UNC5CL: variants seen among roughly 807,000 people sequenced by gnomAD.
UNC5CL encodes unc-5 family C-terminal like, also known as UNC5C-like protein.
In UNC5CL, 42 loss-of-function variants were observed where a neutral mutation model predicts 54.1. The observed-to-expected ratio is 0.78, with a 90% CI of 0.61 to 1.00. The LOEUF is 1.00. Among genes scored for constraint, UNC5CL ranks in the 50% least tolerant of loss-of-function variants. The pLI is 0.00. For missense variants in UNC5CL, 619 were observed against 675.6 expected, an observed-to-expected ratio of 0.92 and a Z score of 0.93; for synonymous variants, 285 against 285.1, an observed-to-expected ratio of 1.00 and a Z score of 0.00.
chr6:41,031,144 G>A (rs928957452), intron 6 of UNC5CL, among the ~76,000 whole-genome samples: 1 of 152,054 alleles, frequency 6.6e-6, no homozygotes, highest in African/African-American at 2.4e-5. Flanking sequence ...GTGACAACAG[G>A]GTATCTGCCT....
rs746966347 is a variant in UNC5CL at position 41,034,090 on chromosome 6, C to T, written c.477G>A (p.Leu159=). The change falls in exon 3 of 9, where the codon CTG becomes CTA. Residue 159 remains leucine (L), a synonymous_variant. Coordinates refer to ENST00000244565, the MANE Select transcript of UNC5CL (RefSeq NM_173561.3). ...GGCCACATGCCACCACAGGGCTTAC[C>T]AGCCCCTGGGCTTGGGACAGCGATG... The part of the protein sequence containing the change: ...DAPSLSQAQG[L]VSPVVACGPH... 3 of 1,614,164 alleles carry T rather than the reference C, an allele frequency of 1.9e-6. No homozygotes were observed. The South Asian group carries it at 3.3e-5, about 18-fold the overall frequency.
chr6:41,034,716 G>A lies in UNC5CL; in HGVS notation c.359C>T (p.Thr120Ile). The A allele has an allele frequency of 6.2e-7, 1 of 1,605,122 alleles. No homozygotes were observed. Among genetic ancestry groups the A allele is most frequent in the Non-Finnish European group, 8.5e-7 (1 of 1,179,944 alleles). Residue 120 changes from threonine (T) to isoleucine (I), a missense_variant, in exon 2 of 9, where the codon ACA (threonine) becomes ATA (isoleucine). By Grantham distance (89) the Thr-to-Ile change is moderately conservative. Transcript: ENST00000244565. ...HRGGCLMLQD[T>I]GISLLIPPGA... Reference sequence around the variant, plus strand: ...TGGTGGGATGAGCAAGGAGATGCCTGTATCCTGGAGCATCAGGCAACCGCC... The same window carrying A: ...TGGTGGGATGAGCAAGGAGATGCCTATATCCTGGAGCATCAGGCAACCGCC...
chr6:41,036,007 A>T lies in UNC5CL; in HGVS notation c.-61-872T>A, dbSNP rs187519277. Among the ~76,000 whole-genome samples the T allele has an allele frequency of 1.3e-3, 204 of 152,370 alleles. 2 individuals are homozygous for T. Among genetic ancestry groups the T allele is most frequent in the Admixed American group, 1.8e-3 (27 of 15,306 alleles). ...GAGATAAAATATTCTGAGCTCATTA[A>T]TGTGAAAAACAAAACTGCATATAAA... On this transcript the variant is annotated intron_variant, in intron 1 of 8. Transcript: ENST00000244565.
At chr6:41,030,337 C>CAT in intron 8 of UNC5CL, 51 bp downstream of exon 8, 1 of 1,577,040 alleles carries the variant, frequency 6.3e-7, no homozygotes, top group Non-Finnish European at 8.7e-7. Flanking sequence ...TGAGGAACCC[C>CAT]ATTCCAGCCC....
At chr6:41,030,585 G>A (rs146298635) in intron 7 of UNC5CL, 70 bp downstream of exon 7, 19,300 of 1,609,434 alleles carry the variant, frequency 0.012, 133 homozygotes, top group Non-Finnish European at 0.015. Context: ...AAATGCTGTA[G>A]TCACCCTGTG....
At position 41,028,545 on chromosome 6, in the gene UNC5CL, TCAAA is replaced by T; in HGVS notation, c.1381_1384del (p.Phe461ArgfsTer14). On this transcript the variant is annotated frameshift_variant, in exon 9 of 9. Transcript: ENST00000244565. LOFTEE classifies it high-confidence loss of function. The surrounding 1 kb of genome is among the most constrained non-coding windows in gnomAD (Gnocchi z 4.3). Reference sequence around the variant, plus strand: ...CTCCTGCAGGCTGCCGTTCTGCTCCTCAAACAACTCCAGGATGGCCGCTGCGGGG... The same window carrying T: ...CTCCTGCAGGCTGCCGTTCTGCTCCTCAACTCCAGGATGGCCGCTGCGGGG... 5 of 1,613,862 alleles carry T rather than the reference TCAAA, an allele frequency of 3.1e-6. No homozygotes were observed. The highest frequency in any genetic ancestry group is 2.5e-6 in the Non-Finnish European group (3 of 1,180,004).
intron 2 of UNC5CL, 97 bp from the exon 3 acceptor site, chr6:41,034,278 G>C: frequency 7.2e-7 from 1 of 1,389,840 alleles, no homozygotes; most frequent in Non-Finnish European, 9.6e-7. Flanking sequence ...TGGGGCAGGA[G>C]CCCAGGAGAG....
chr6:41,034,976 C>T lies in UNC5CL; in HGVS notation c.99G>A (p.Trp33Ter), dbSNP rs766084306. Residue 33 changes from tryptophan to a stop codon, truncating the protein, a stop_gained, in exon 2 of 9, where the codon TGG becomes TGA. Transcript: ENST00000244565. LOFTEE classifies it high-confidence loss of function. The stretch of plus-strand genomic sequence containing the variant: ...CCCCCAGCAGCCTTCTAGGGCAGTG[C>T]CATCGAAGGCATTGGGCCAGAAGGA... ...SVLLLAQCLR[W>*]HCPRRLLGAC... is the part of the protein sequence containing the mutation. 1 of 1,610,462 alleles carries T rather than the reference C, an allele frequency of 6.2e-7. No individual in the cohort carries two copies. The highest frequency in any genetic ancestry group is 1.1e-5 in the South Asian group (1 of 91,020).
At position 41,030,666 on chromosome 6, in the gene UNC5CL, G is replaced by T. The variant is rs755757582; in HGVS notation, c.1209C>A (p.Pro403=). The change falls in exon 7 of 9, where the codon CCC becomes CCA. Residue 403 remains proline, a synonymous_variant. Coordinates refer to ENST00000244565, the MANE Select transcript of UNC5CL (RefSeq NM_173561.3). ...AACCCCCGTCTCACCTATTGCATGG[G>T]GGCGGCTGGGAAACAGGTGGTGGCG... ...WAAPPPVSQP[P]PCNRLPPELF... The T allele has an allele frequency of 1.9e-6, 3 of 1,614,078 alleles. No individual in the cohort carries two copies. In the East Asian group the frequency reaches 6.7e-5, roughly 36 times the overall value.
chr6:41,038,358 G>A (rs923140756), intron 1 of UNC5CL, among the ~76,000 whole-genome samples: 4 of 152,006 alleles, frequency 2.6e-5, no homozygotes, highest in African/African-American at 4.8e-5. Flanking sequence ...TAACCTTCCT[G>A]GGGCCACCAA....
At chr6:41,030,098 C>T (rs1762434984) in intron 8 of UNC5CL, among the ~76,000 whole-genome samples, 1 of 152,200 alleles carries the variant, frequency 6.6e-6, no homozygotes, top group Non-Finnish European at 1.5e-5. Flanking sequence ...TGTCTTGCTC[C>T]TCCTCAGGGC....
intron 1 of UNC5CL, among the ~76,000 whole-genome samples, chr6:41,036,391 G>A (rs952140542): frequency 3.9e-5 from 6 of 152,170 alleles, no homozygotes; most frequent in African/African-American, 1.4e-4. Flanking sequence ...GTGCAGGTCT[G>A]GAAGGACACA....
intron 1 of UNC5CL, among the ~76,000 whole-genome samples, chr6:41,038,441 G>A (rs868852518): frequency 5.3e-5 from 8 of 152,024 alleles, no homozygotes; most frequent in East Asian, 3.9e-4. Flanking sequence ...CTCAACCTCC[G>A]ACCCTGGAGA....
chr6:41,030,757 T>G lies in UNC5CL; in HGVS notation c.1120-2A>C, dbSNP rs772873819. 2 of 1,613,894 alleles carry G rather than the reference T, an allele frequency of 1.2e-6. No individual in the cohort carries two copies. The highest frequency in any genetic ancestry group is 1.7e-6 in the Non-Finnish European group (2 of 1,179,912). On this transcript the variant is annotated splice_acceptor_variant, in intron 6 of 8. Coordinates refer to ENST00000244565, the MANE Select transcript of UNC5CL (RefSeq NM_173561.3). LOFTEE classifies it high-confidence loss of function. The stretch of plus-strand genomic sequence containing the variant: ...TTCCATATACTTGGTCTCCAAGCCC[T>G]GAGTCAACACAGGGCAGGGAACACA...
rs201016286 is a variant in UNC5CL at position 41,030,670 on chromosome 6, G to A, written c.1205C>T (p.Pro402Leu). 40 of 1,613,974 alleles carry A rather than the reference G, an allele frequency of 2.5e-5. No homozygotes were observed. Among genetic ancestry groups the A allele is most frequent in the Middle Eastern group, 3.3e-4 (2 of 6,074 alleles). Reference protein sequence around the residue: ...SWAAPPPVSQPPPCNRLPPEL... With the variant: ...SWAAPPPVSQLPPCNRLPPEL... The stretch of plus-strand genomic sequence containing the variant: ...CCCGTCTCACCTATTGCATGGGGGC[G>A]GCTGGGAAACAGGTGGTGGCGCTGC... Residue 402 changes from proline (P) to leucine (L), a missense_variant, in exon 7 of 9, where the codon CCG (proline) becomes CTG (leucine). Transcript: ENST00000244565.
intron 6 of UNC5CL, among the ~76,000 whole-genome samples, chr6:41,031,047 C>T (rs1046293297): frequency 7.9e-5 from 12 of 152,140 alleles, no homozygotes; most frequent in Admixed American, 6.5e-4. Flanking sequence ...GGCCGTGGAG[C>T]AGTGGGAGGT....
chr6:41,034,902 G>T lies in UNC5CL; in HGVS notation c.173C>A (p.Pro58His). The T allele has an allele frequency of 1.2e-6, 2 of 1,614,204 alleles. No individual in the cohort carries two copies. Among genetic ancestry groups the T allele is most frequent in the South Asian group, 1.1e-5 (1 of 91,080 alleles). ...GQEEPVSQPT[P>H]QLENEVSRQH... The stretch of plus-strand genomic sequence containing the variant: ...CCTTGAGACCTCATTTTCTAGTTGG[G>T]GGGTAGGCTGGGACACTGGTTCCTC... The change falls in exon 2 of 9, where the codon CCC becomes CAC. Residue 58 changes from proline (P) to histidine (H), a missense_variant. Physicochemically the swap from Pro to His is moderately conservative, Grantham distance 77 (BLOSUM62 -2). Transcript: ENST00000244565.
In UNC5CL at chr6:41,034,977, C is replaced by T. The variant is rs1257103484; in HGVS notation, c.98G>A (p.Trp33Ter). 5 of 1,610,332 alleles carry T rather than the reference C, an allele frequency of 3.1e-6. No individual in the cohort carries two copies. Among genetic ancestry groups the T allele is most frequent in the Admixed American group, 3.3e-5 (2 of 59,950 alleles). Residue 33 changes from tryptophan (W) to a stop codon, truncating the protein, a stop_gained, in exon 2 of 9, where the codon TGG (tryptophan) becomes TAG (stop). Coordinates refer to ENST00000244565, the MANE Select transcript of UNC5CL (RefSeq NM_173561.3). LOFTEE classifies it high-confidence loss of function. Reference protein sequence around the residue: ...SVLLLAQCLRWHCPRRLLGAC... With the variant: ...SVLLLAQCLR ...CCCCAGCAGCCTTCTAGGGCAGTGC[C>T]ATCGAAGGCATTGGGCCAGAAGGAG...
At chr6:41,036,003 A>G (rs1762519520) in intron 1 of UNC5CL, among the ~76,000 whole-genome samples, 2 of 152,382 alleles carry the variant, frequency 1.3e-5, no homozygotes, top group Admixed American at 6.5e-5. Flanking sequence ...TTCTGAGCTC[A>G]TTAATGTGAA....
Sources: gnomAD v4.1 joint callset for allele counts (sites outside exome capture counted in the v4.1 genomes callset) on GRCh38, gnomAD v4.1.1 for gene constraint, Gnocchi (gnomAD v3.1) non-coding constraint, MANE v1.5 for transcripts, NCBI Gene and HGNC (gene_info 2026-07-23, HGNC 2026-07-21) for gene names.